ARHGAP22: variants seen among roughly 807,000 people sequenced by gnomAD.
ARHGAP22 encodes Rho GTPase activating protein 22.
Under a neutral mutation model 59.1 loss-of-function variants are expected in ARHGAP22, and 48 were observed. The observed-to-expected ratio is 0.81, with a 90% CI of 0.64 to 1.03. The LOEUF is 1.03. Among genes scored for constraint, ARHGAP22 ranks in the 50% least tolerant of loss-of-function variants. The probability of loss-of-function intolerance (pLI) is 0.00; values close to 1 mark genes in which losing one functional copy is unlikely to be tolerated. For missense variants in ARHGAP22, 1,015 were observed against 958.7 expected (o/e 1.06, Z -0.78); for synonymous variants, 445 against 416.4 (o/e 1.07, Z -0.84).
At chr10:48,591,673 C>T (rs937194554) in intron 1 of ARHGAP22, among the ~76,000 whole-genome samples, 3 of 151,904 alleles carry the variant, frequency 2.0e-5, no homozygotes, top group African/African-American at 7.3e-5. Flanking sequence ...AAATTAAAAA[C>T]GTGCATCCTG....
At chr10:48,493,450 C>A in intron 3 of ARHGAP22, 2 of 1,536,006 alleles carry the variant, frequency 1.3e-6, no homozygotes, top group Non-Finnish European at 1.7e-6. Flanking sequence ...CCTGGGCATA[C>A]GCCTGCTCCT....
chr10:48,576,031 G>A (rs1373794), intron 2 of ARHGAP22, among the ~76,000 whole-genome samples: 496 of 152,264 alleles, frequency 3.3e-3, no homozygotes, highest in African/African-American at 9.6e-3. Flanking sequence ...CGCAGCCCAC[G>A]AAGTGAGGAC....
rs1049659678 is a variant in ARHGAP22 at position 48,526,148 on chromosome 10, TC to T, written c.322+29314del. Reference sequence around the variant, plus strand: ...TTCCATTTGGGGAGAACAGAGGTGGTCTCAGAGGAGAATCTCAGCAAGGGCA... The same window carrying T: ...TTCCATTTGGGGAGAACAGAGGTGGTTCAGAGGAGAATCTCAGCAAGGGCA... On this transcript the variant is annotated intron_variant, in intron 3 of 9. Transcript: ENST00000249601. Among the ~76,000 whole-genome samples the T allele has an allele frequency of 7.0e-4, 106 of 152,026 alleles. 1 individual carries two copies. The highest frequency in any genetic ancestry group is 2.2e-3 in the African/African-American group (93 of 41,446).
At chr10:48,637,559 A>AATGG (rs1003229926) in intron 1 of ARHGAP22, among the ~76,000 whole-genome samples, 8 of 150,706 alleles carry the variant, frequency 5.3e-5, no homozygotes, top group African/African-American at 1.7e-4. Context: ...TGGATGGGTA[A>AATGG]ATGGATGGAT....
intron 1 of ARHGAP22, among the ~76,000 whole-genome samples, chr10:48,623,549 A>G (rs1472621981): frequency 2.0e-5 from 3 of 152,208 alleles, no homozygotes; most frequent in Non-Finnish European, 4.4e-5. Flanking sequence ...CTGAGTGATC[A>G]CTTCTCTCCA....
chr10:48,470,857 A>G (rs2048166816), intron 4 of ARHGAP22, among the ~76,000 whole-genome samples: 1 of 152,206 alleles, frequency 6.6e-6, no homozygotes, highest in South Asian at 2.1e-4. Context: ...GATATAGAGC[A>G]AGCAGTGCTG....
chr10:48,516,318 A>T (rs1212697516), intron 3 of ARHGAP22, among the ~76,000 whole-genome samples: 1 of 152,174 alleles, frequency 6.6e-6, no homozygotes, highest in Non-Finnish European at 1.5e-5. Flanking sequence ...TGAGGTTAAG[A>T]GTTTGAGACG....
At chr10:48,487,756 A>G (rs1347920522) in intron 3 of ARHGAP22, among the ~76,000 whole-genome samples, 1 of 152,184 alleles carries the variant, frequency 6.6e-6, no homozygotes, top group Non-Finnish European at 1.5e-5. Flanking sequence ...TTAAGCCACT[A>G]AGTTTGTGGT....
At chr10:48,577,808 T>TG (rs1303350029) in intron 2 of ARHGAP22, among the ~76,000 whole-genome samples, 2 of 111,870 alleles carry the variant, frequency 1.8e-5, no homozygotes, top group African/African-American at 7.7e-5. Flanking sequence ...TTGGTTTTTT[T>TG]TTTTTTTTTT....
At chr10:48,617,915 A>T (rs2061144504) in intron 1 of ARHGAP22, among the ~76,000 whole-genome samples, 1 of 151,860 alleles carries the variant, frequency 6.6e-6, no homozygotes, top group African/African-American at 2.4e-5. Context: ...TTGAAAAAAT[A>T]AACAAAATGG....
chr10:48,566,626 A>G (rs2058060579), intron 2 of ARHGAP22, among the ~76,000 whole-genome samples: 1 of 152,170 alleles, frequency 6.6e-6, no homozygotes, highest in African/African-American at 2.4e-5. Context: ...TGAACTCCAA[A>G]TGCTCTTGTT....
chr10:48,567,768 G>C (rs2058142089), intron 2 of ARHGAP22, among the ~76,000 whole-genome samples: 1 of 152,032 alleles, frequency 6.6e-6, no homozygotes, highest in Non-Finnish European at 1.5e-5. Flanking sequence ...AGTCAACCTT[G>C]GTGACCACAG....
chr10:48,448,349 T>C (rs2017750), intron 9 of ARHGAP22, among the ~76,000 whole-genome samples: 86,747 of 152,044 alleles, frequency 0.57, 25,041 homozygotes, highest in Middle Eastern at 0.75. Context: ...CATCTCCCTT[T>C]TAACACACCG....
chr10:48,487,195 G>A (rs1030990416), intron 3 of ARHGAP22, among the ~76,000 whole-genome samples: 1 of 152,098 alleles, frequency 6.6e-6, no homozygotes, highest in African/African-American at 2.4e-5. Flanking sequence ...CACAACTTAA[G>A]GTTATCCTGC....
chr10:48,571,135 C>G (rs1229438071), intron 2 of ARHGAP22, among the ~76,000 whole-genome samples: 4 of 152,192 alleles, frequency 2.6e-5, no homozygotes, highest in African/African-American at 9.6e-5. Flanking sequence ...CAACTTGCTA[C>G]CCAGTGGTCA....
At chr10:48,545,674 G>A (rs1356162756) in intron 3 of ARHGAP22, among the ~76,000 whole-genome samples, 1 of 152,212 alleles carries the variant, frequency 6.6e-6, no homozygotes, top group African/African-American at 2.4e-5. Context: ...CCTCTGCGGA[G>A]TAATCTGTGC....
chr10:48,594,723 C>T (rs1002067902), intron 1 of ARHGAP22, among the ~76,000 whole-genome samples: 6 of 152,280 alleles, frequency 3.9e-5, no homozygotes, highest in African/African-American at 1.2e-4. Context: ...ATCCACCCCT[C>T]GCCCAACTTA....
At chr10:48,627,828 C>G (rs2061502772) in intron 1 of ARHGAP22, among the ~76,000 whole-genome samples, 1 of 152,194 alleles carries the variant, frequency 6.6e-6, no homozygotes, top group African/African-American at 2.4e-5. Flanking sequence ...TGTGTGGGCA[C>G]TTCATTCAGG....
chr10:48,577,801 GTTTTTTTTT>G (rs34557935), intron 2 of ARHGAP22, among the ~76,000 whole-genome samples: 1 of 59,142 alleles, frequency 1.7e-5, no homozygotes, highest in Non-Finnish European at 2.9e-5. Context: ...CTCTTTTTTG[GTTTTTTTTT>G]TTTTTTTTTT....
Sources: gnomAD v4.1 joint callset for allele counts (sites outside exome capture counted in the v4.1 genomes callset) on GRCh38, gnomAD v4.1.1 for gene constraint, MANE v1.5 for transcripts, NCBI Gene and HGNC (gene_info 2026-07-23, HGNC 2026-07-21) for gene names.